The following MCPH1 variants were observed in gnomAD, a reference collection of about 807,000 sequenced individuals.
The protein encoded by MCPH1 is microcephalin.
Under a neutral mutation model 84.5 loss-of-function variants are expected in MCPH1, and 104 were observed. The observed-to-expected ratio is 1.23, with a 90% CI of 1.05 to 1.45. MCPH1 has a LOEUF of 1.45. Ranked by LOEUF, MCPH1 falls within the 40% of genes most tolerant of loss-of-function variation. The pLI is 0.00. For missense variants in MCPH1, 1,498 were observed against 1,005.7 expected (o/e 1.49, Z -6.62); for synonymous variants, 514 against 366.8 (o/e 1.40, Z -4.58).
At chr8:6,529,141 C>G (rs1042853179) in intron 12 of MCPH1, among the ~76,000 whole-genome samples, 1 of 152,198 alleles carries the variant, frequency 6.6e-6, no homozygotes, top group Non-Finnish European at 1.5e-5. Context: ...ACCATTTTCA[C>G]ATCACTTTTC....
chr8:6,556,676 C>T (rs1345351374), intron 12 of MCPH1, among the ~76,000 whole-genome samples: 2 of 151,946 alleles, frequency 1.3e-5, no homozygotes, highest in African/African-American at 2.4e-5. Flanking sequence ...CGCAATGGCA[C>T]CATCATAGTT....
intron 3 of MCPH1, among the ~76,000 whole-genome samples, chr8:6,429,601 TC>T (rs1801546485): frequency 6.6e-6 from 1 of 152,134 alleles, no homozygotes; most frequent in Non-Finnish European, 1.5e-5. Context: ...TTGGTTTATG[TC>T]TTTTTGTTTT....
At chr8:6,562,706 C>A (rs754246756) in intron 12 of MCPH1, 1 of 1,613,022 alleles carries the variant, frequency 6.2e-7, no homozygotes, top group Non-Finnish European at 8.5e-7. Flanking sequence ...AGCCTCTGCA[C>A]CGAGTCATCG....
intron 12 of MCPH1, among the ~76,000 whole-genome samples, chr8:6,511,669 A>G (rs1175626819): frequency 6.6e-6 from 1 of 152,200 alleles, no homozygotes; most frequent in Non-Finnish European, 1.5e-5. Flanking sequence ...TTATTAGGAT[A>G]ATAATTTTCG....
intron 12 of MCPH1, among the ~76,000 whole-genome samples, chr8:6,603,598 G>T (rs1829536482): frequency 6.6e-6 from 1 of 152,210 alleles, no homozygotes; most frequent in South Asian, 2.1e-4. Context: ...GAAGGTACTA[G>T]CAAGGAAGTA....
chr8:6,621,570 A>T lies in MCPH1; in HGVS notation c.2331A>T (p.Glu777Asp). 1 of 1,614,198 alleles carries T rather than the reference A, an allele frequency of 6.2e-7. No homozygotes were observed. Among genetic ancestry groups the T allele is most frequent in the Non-Finnish European group, 8.5e-7 (1 of 1,180,032 alleles). The change falls in exon 13 of 14, where the codon GAA becomes GAT. Residue 777 changes from glutamate to aspartate, a missense_variant. By Grantham distance (45) the Glu-to-Asp change is conservative. Coordinates refer to ENST00000344683, the MANE Select transcript of MCPH1 (RefSeq NM_024596.5). ...GCCCCCCAGTGGCCAAGCTCTGTGA[A>T]CTAGTCCACCTGTGCGGAGGCCGGG... Reference protein sequence around the residue: ...ASSPPVAKLCELVHLCGGRVS... With the variant: ...ASSPPVAKLCDLVHLCGGRVS...
chr8:6,595,622 G>A (rs539628637), intron 12 of MCPH1, among the ~76,000 whole-genome samples: 13 of 152,292 alleles, frequency 8.5e-5, no homozygotes, highest in African/African-American at 2.6e-4. Flanking sequence ...GGTCCAACAC[G>A]GTCTTCAGAG....
chr8:6,493,341 G>A (rs1295506592), intron 11 of MCPH1, among the ~76,000 whole-genome samples: 3 of 152,170 alleles, frequency 2.0e-5, no homozygotes, highest in South Asian at 2.1e-4. Context: ...GAACTTAAAT[G>A]TTTGTGTTCA....
At chr8:6,442,940 T>G (rs1424540723) in intron 7 of MCPH1, among the ~76,000 whole-genome samples, 1 of 152,252 alleles carries the variant, frequency 6.6e-6, no homozygotes. Context: ...TGTGCTGGAA[T>G]TATTTACCCA....
At position 6,480,876 on chromosome 8, in the gene MCPH1, G is replaced by T. The variant is rs778229284; in HGVS notation, c.2136G>T (p.Trp712Cys). Residue 712 changes from tryptophan to cysteine, a missense_variant and splice_region_variant, in exon 11 of 14, where the codon TGG (tryptophan) becomes TGT (cysteine). Transcript: ENST00000344683. The part of the protein sequence containing the change: ...ARGCWVLSYD[W>C]VLWSLELGHW... The stretch of plus-strand genomic sequence containing the variant: ...GCTGCTGGGTTCTCTCTTATGATTG[G>T]GTAAGCCCTGTGTGTGAACTGCGTA... 2.5e-5 allele frequency: 40 copies of T among 1,613,716 alleles called. 1 individual carries two copies. Among genetic ancestry groups the T allele is most frequent in the Non-Finnish European group, 3.1e-5 (36 of 1,180,030 alleles).
chr8:6,438,950 C>T lies in MCPH1; in HGVS notation c.437-3C>T, dbSNP rs765371917. 5 of 1,611,160 alleles carry T rather than the reference C, an allele frequency of 3.1e-6. No individual in the cohort carries two copies. The East Asian group carries it at 1.1e-4, about 36-fold the overall frequency. ...TTAAAGTGGATTTTTTGTTTATTTT[C>T]AGATGATGATGTACCTATTCTCTTA... On this transcript the variant is annotated splice_polypyrimidine_tract_variant and splice_region_variant and intron_variant, in intron 5 of 13. Coordinates refer to ENST00000344683, the MANE Select transcript of MCPH1 (RefSeq NM_024596.5).
In MCPH1 at chr8:6,601,714, C is replaced by CAT. The variant is rs754263384; in HGVS notation, c.2215-19739_2215-19738insTA. On this transcript the variant is annotated intron_variant, in intron 12 of 13. Transcript: ENST00000344683. ...TGCATACCACACACAACACACACCACACACACACACCCAATCACATACCAC... is the reference window on the plus strand; with the variant it reads ...TGCATACCACACACAACACACACCACATACACACACACCCAATCACATACCAC... Among the ~76,000 whole-genome samples, 1,117 of 139,248 alleles carry CAT rather than the reference C, an allele frequency of 8.0e-3. 9 individuals carry two copies. The highest frequency in any genetic ancestry group is 0.034 in the African/African-American group (1,045 of 30,310). The allele number at this position is 139,248 out of a possible 152,430, so 91.4% of individuals were successfully genotyped here. A position where few individuals can be genotyped will look rare whatever the true frequency, so the allele number is the denominator to read the frequency against.
intron 6 of MCPH1, among the ~76,000 whole-genome samples, chr8:6,441,094 G>A (rs1171656331): frequency 6.6e-6 from 1 of 152,092 alleles, no homozygotes; most frequent in African/African-American, 2.4e-5. Context: ...TGGTCATATG[G>A]CCACCCCTTT....
At chr8:6,445,780 A>G (rs920619581) in intron 8 of MCPH1, 3 of 1,314,128 alleles carry the variant, frequency 2.3e-6, no homozygotes, top group South Asian at 2.2e-5. Context: ...TATTTCTCCA[A>G]GACTTTTCCT....
intron 9 of MCPH1, among the ~76,000 whole-genome samples, chr8:6,459,746 C>G (rs2916746): frequency 0.26 from 39,191 of 152,102 alleles, 6,832 homozygotes; most frequent in African/African-American, 0.5. Context: ...AGTTTTAAAT[C>G]TGAAGTAGCA....
intron 12 of MCPH1, among the ~76,000 whole-genome samples, chr8:6,512,190 C>G (rs972635153): frequency 6.6e-6 from 1 of 152,162 alleles, no homozygotes. Flanking sequence ...CTCAAACATG[C>G]TTCTGAATTT....
At chr8:6,421,142 T>G (rs1205672409) in intron 3 of MCPH1, among the ~76,000 whole-genome samples, 13 of 152,212 alleles carry the variant, frequency 8.5e-5, no homozygotes, top group Admixed American at 8.5e-4. Context: ...TCTGAAGCTT[T>G]CTTCCCGTTT....
chr8:6,470,371 T>C (rs113529100), intron 9 of MCPH1, among the ~76,000 whole-genome samples: 23,643 of 152,026 alleles, frequency 0.16, 1,963 homozygotes, highest in Middle Eastern at 0.25. Context: ...GCAACTTCCG[T>C]CTCCCGGGTT....
At chr8:6,618,086 G>A (rs1431806798) in intron 12 of MCPH1, among the ~76,000 whole-genome samples, 1 of 152,178 alleles carries the variant, frequency 6.6e-6, no homozygotes, top group Non-Finnish European at 1.5e-5. Context: ...TTAGAGTTTA[G>A]AGCACATTGC....
Sources: allele counts gnomAD v4.1 joint callset (sites outside exome capture counted in the v4.1 genomes callset), GRCh38; gene constraint gnomAD v4.1.1; transcripts MANE v1.5; gene names NCBI Gene and HGNC (gene_info 2026-07-23, HGNC 2026-07-21).